The following BMPR1A variants were observed in gnomAD, a reference collection of about 807,000 sequenced individuals.
The protein encoded by BMPR1A is bone morphogenetic protein receptor type 1A.
BMPR1A carries 7 observed loss-of-function variants against 66.0 expected under a neutral mutation model. That is an observed-to-expected ratio of 0.11 (90% CI 0.06 to 0.20). The LOEUF (loss-of-function observed/expected upper bound fraction) is 0.20, where lower values mean the gene tolerates loss of function less well. Ranked by LOEUF, BMPR1A falls within the 10% of genes least tolerant of loss-of-function variation. The pLI is 1.00. For synonymous variants in BMPR1A, 200 were observed against 229.7 expected (o/e 0.87, Z 1.17); for missense variants, 408 against 669.1 (o/e 0.61, Z 4.31).
At chr10:86,765,788 A>T (rs184183985) in intron 1 of BMPR1A, among the ~76,000 whole-genome samples, 1 of 152,168 alleles carries the variant, frequency 6.6e-6, no homozygotes, top group Non-Finnish European at 1.5e-5. Flanking sequence ...GTCTTCTGTA[A>T]TCATGCTTCA....
In BMPR1A at chr10:86,904,610, C is replaced by T. The variant is rs747544896; in HGVS notation, c.530+4484C>T. On this transcript the variant is annotated intron_variant, in intron 7 of 12. Transcript: ENST00000372037. ...ACAAGAAATGTGAAGGGAAGTTCTT[C>T]GGGTGGAAAGACAGGCCAGGTGAAG... 1.2e-4 allele frequency among the ~76,000 whole-genome samples: 19 copies of T among 152,256 alleles called. No individual in the cohort carries two copies. In the Middle Eastern group the frequency reaches 0.01, roughly 82 times the overall value.
At chr10:86,877,116 C>T (rs1168731595) in intron 3 of BMPR1A, among the ~76,000 whole-genome samples, 1 of 151,920 alleles carries the variant, frequency 6.6e-6, no homozygotes, top group African/African-American at 2.4e-5. Flanking sequence ...TCACAGGTTG[C>T]TTTTTCCTAA....
intron 5 of BMPR1A, among the ~76,000 whole-genome samples, chr10:86,895,983 G>A (rs760456657): frequency 1.3e-5 from 2 of 151,946 alleles, no homozygotes; most frequent in Non-Finnish European, 2.9e-5. Context: ...GTGAAACCCC[G>A]TCTCTACTAG....
At position 86,925,550 on chromosome 10, in the gene BMPR1A, G is replaced by C; in HGVS notation, c.*1831G>C. On this transcript the variant is annotated 3_prime_UTR_variant, in exon 13 of 13. Coordinates refer to ENST00000372037, the MANE Select transcript of BMPR1A (RefSeq NM_004329.3). ...ATCAAGATAAGTAAATTTGCATATG[G>C]ATAATACCCAATAACTTGTTTTTTC... The C allele has an allele frequency of 5.0e-6, 1 of 200,270 alleles. No homozygotes were observed. The highest frequency in any genetic ancestry group is 1.0e-5 in the Non-Finnish European group (1 of 97,360). 12.4% of individuals were successfully genotyped at this position (200,270 alleles called of 1,614,324 possible).
At chr10:86,768,888 G>A (rs372021683) in intron 1 of BMPR1A, among the ~76,000 whole-genome samples, 1 of 151,382 alleles carries the variant, frequency 6.6e-6, no homozygotes, top group Non-Finnish European at 1.5e-5. Flanking sequence ...CTACTGTGAG[G>A]ACTAAATGAA....
intron 1 of BMPR1A, among the ~76,000 whole-genome samples, chr10:86,763,107 G>A (rs773587767): frequency 4.6e-5 from 7 of 151,972 alleles, no homozygotes; most frequent in Non-Finnish European, 1.0e-4. Context: ...TGTTGGTCAG[G>A]CTGATCTCGA....
chr10:86,803,757 T>C (rs962664195), intron 1 of BMPR1A, among the ~76,000 whole-genome samples: 1 of 152,190 alleles, frequency 6.6e-6, no homozygotes, highest in Non-Finnish European at 1.5e-5. Flanking sequence ...TTTTTCTGAC[T>C]TTTTCAAAAG....
intron 3 of BMPR1A, among the ~76,000 whole-genome samples, chr10:86,878,768 G>A (rs899604537): frequency 1.3e-4 from 20 of 152,204 alleles, no homozygotes; most frequent in Admixed American, 3.3e-4. Context: ...AATAGCAAGA[G>A]CTACTGGAAA....
chr10:86,766,215 C>G (rs1841160301), intron 1 of BMPR1A, among the ~76,000 whole-genome samples: 2 of 152,088 alleles, frequency 1.3e-5, no homozygotes, highest in South Asian at 4.1e-4. Context: ...TGGTCTCGAA[C>G]TCCTGGGCTA....
intron 1 of BMPR1A, among the ~76,000 whole-genome samples, chr10:86,779,433 C>T (rs1008239656): frequency 6.6e-6 from 1 of 152,088 alleles, no homozygotes; most frequent in Non-Finnish European, 1.5e-5. Flanking sequence ...TCTTTTTCCC[C>T]GTTTGCCCAT....
intron 7 of BMPR1A, among the ~76,000 whole-genome samples, chr10:86,908,483 G>A (rs1843428951): frequency 6.6e-6 from 1 of 152,178 alleles, no homozygotes; most frequent in African/African-American, 2.4e-5. Flanking sequence ...CAGTGTTTGG[G>A]CCTGTGCCTT....
Position 86,862,790 on chromosome 10 carries a change from T to TA in BMPR1A, c.-152-13066dup, listed in dbSNP as rs535845301. Among the ~76,000 whole-genome samples the TA allele has an allele frequency of 2.0e-4, 28 of 138,826 alleles. No individual in the cohort carries two copies. The South Asian group carries it at 2.3e-3, about 11-fold the overall frequency. The allele number at this position is 138,826 out of a possible 152,430, so 91.1% of individuals were successfully genotyped here. A position where few individuals can be genotyped will look rare whatever the true frequency, so the allele number is the denominator to read the frequency against. ...CATCAGTGTAGCGATATTCTAAAAA[T>TA]AAAAAAAAAAAGATTTTAGACCTGG... On this transcript the variant is annotated intron_variant, in intron 2 of 12. Transcript: ENST00000372037.
chr10:86,809,589 C>T (rs568191830), intron 1 of BMPR1A, among the ~76,000 whole-genome samples: 17 of 137,740 alleles, frequency 1.2e-4, no homozygotes, highest in Non-Finnish European at 1.5e-4. Context: ...GCACCACACC[C>T]GACCTCTTTT....
rs549809596 is a variant in BMPR1A at position 86,826,590 on chromosome 10, T to C, written c.-267-12275T>C. Among the ~76,000 whole-genome samples the C allele has an allele frequency of 2.0e-5, 3 of 152,330 alleles. No homozygotes were observed. The South Asian group carries it at 6.2e-4, about 32-fold the overall frequency. On this transcript the variant is annotated intron_variant, in intron 1 of 12. Transcript: ENST00000372037. ...AAGCAGTCCCACAATTTGCTGGTTATATTTCATGCCTAGATTAAAATAAGA... is the reference window on the plus strand; with the variant it reads ...AAGCAGTCCCACAATTTGCTGGTTACATTTCATGCCTAGATTAAAATAAGA...
chr10:86,904,704 A>G (rs1402451607), intron 7 of BMPR1A, among the ~76,000 whole-genome samples: 2 of 152,156 alleles, frequency 1.3e-5, no homozygotes, highest in African/African-American at 4.8e-5. Flanking sequence ...CAAACTAACA[A>G]TATCTTTTAA....
intron 1 of BMPR1A, among the ~76,000 whole-genome samples, chr10:86,786,974 C>T (rs1175046470): frequency 2.0e-5 from 3 of 152,104 alleles, no homozygotes; most frequent in Non-Finnish European, 4.4e-5. Context: ...AGGCGGCTAG[C>T]TAGTTTCTTA....
chr10:86,904,602 A>G (rs1843358430), intron 7 of BMPR1A, among the ~76,000 whole-genome samples: 1 of 152,214 alleles, frequency 6.6e-6, no homozygotes, highest in Non-Finnish European at 1.5e-5. Flanking sequence ...ATGTGAAGGG[A>G]AGTTCTTCGG....
intron 1 of BMPR1A, among the ~76,000 whole-genome samples, chr10:86,766,682 C>T (rs1841168301): frequency 6.9e-6 from 1 of 144,096 alleles, no homozygotes; most frequent in Admixed American, 6.9e-5. Flanking sequence ...GTGGCGCTAT[C>T]TCTGCTCACA....
intron 1 of BMPR1A, among the ~76,000 whole-genome samples, chr10:86,804,327 C>T (rs1841854953): frequency 6.6e-6 from 1 of 152,138 alleles, no homozygotes. Context: ...TGCAACTCCA[C>T]CTCGTGGGTT....
Sources: allele counts gnomAD v4.1 joint callset (sites outside exome capture counted in the v4.1 genomes callset), GRCh38; gene constraint gnomAD v4.1.1; transcripts MANE v1.5; gene names NCBI Gene and HGNC (gene_info 2026-07-23, HGNC 2026-07-21).